CXCL13: variants seen among roughly 807,000 people sequenced by gnomAD.
CXCL13 encodes C-X-C motif chemokine 13.
A neutral mutation model predicts 12.2 loss-of-function variants in CXCL13; 7 were observed. The ratio of observed to expected loss-of-function variants is 0.57; its 90% CI spans 0.33 to 1.07. The LOEUF (loss-of-function observed/expected upper bound fraction) is 1.07, where lower values mean the gene tolerates loss of function less well. Ranked by LOEUF, CXCL13 falls within the 50% of genes least tolerant of loss-of-function variation. CXCL13 has a pLI of 0.04. For missense variants in CXCL13, 113 were observed against 127.4 expected, an observed-to-expected ratio of 0.89 and a Z score of 0.55; for synonymous variants, 47 against 42.4, an observed-to-expected ratio of 1.11 and a Z score of -0.42.
intron 1 of CXCL13, among the ~76,000 whole-genome samples, chr4:77,533,466 G>A (rs1724981396): frequency 6.6e-6 from 1 of 152,194 alleles, no homozygotes; most frequent in African/African-American, 2.4e-5. Flanking sequence ...CTCCCAGTTA[G>A]GCTACTCAGG....
chr4:77,554,612 T>C (rs935475549), intron 1 of CXCL13, among the ~76,000 whole-genome samples: 1 of 152,090 alleles, frequency 6.6e-6, no homozygotes, highest in East Asian at 1.9e-4. Context: ...CAGAACAACA[T>C]TTCTAGGATG....
At chr4:77,562,143 G>A (rs182599840) in intron 1 of CXCL13, among the ~76,000 whole-genome samples, 1,601 of 151,228 alleles carry the variant, frequency 0.011, 26 homozygotes, top group African/African-American at 0.036. Flanking sequence ...CCCGGCACAA[G>A]CCTTCCCACC....
At chr4:77,530,633 T>G (rs1246686151) in intron 1 of CXCL13, among the ~76,000 whole-genome samples, 1 of 152,196 alleles carries the variant, frequency 6.6e-6, no homozygotes, top group South Asian at 2.1e-4. Flanking sequence ...CCCTTTAACA[T>G]TTTTTATTGC....
intron 1 of CXCL13, among the ~76,000 whole-genome samples, chr4:77,575,449 C>T (rs539041656): frequency 1.3e-5 from 2 of 151,782 alleles, no homozygotes; most frequent in Non-Finnish European, 2.9e-5. Flanking sequence ...CTCCCCCAGC[C>T]CCCTACCCCT....
At chr4:77,555,312 C>A (rs908507050) in intron 1 of CXCL13, among the ~76,000 whole-genome samples, 1 of 151,814 alleles carries the variant, frequency 6.6e-6, no homozygotes, top group African/African-American at 2.4e-5. Context: ...AGGAAATGGG[C>A]AAATTTATTG....
chr4:77,562,839 C>A (rs894883673), intron 1 of CXCL13, among the ~76,000 whole-genome samples: 1 of 152,120 alleles, frequency 6.6e-6, no homozygotes, highest in Non-Finnish European at 1.5e-5. Context: ...TCTGTCAAAA[C>A]GGACCAATCA....
At chr4:77,607,197 T>C (rs1039020989) in intron 1 of CXCL13, among the ~76,000 whole-genome samples, 1 of 152,248 alleles carries the variant, frequency 6.6e-6, no homozygotes, top group Non-Finnish European at 1.5e-5. Flanking sequence ...ACTGGTTTTA[T>C]ATTGCATTAA....
Position 77,605,926 on chromosome 4 carries a change from CA to C in CXCL13, c.63del (p.Gly22ValfsTer10). The C allele has an allele frequency of 6.3e-7, 1 of 1,591,964 alleles. No homozygotes were observed. Among genetic ancestry groups the C allele is most frequent in the Non-Finnish European group, 8.6e-7 (1 of 1,163,586 alleles). On this transcript the variant is annotated frameshift_variant and splice_region_variant, in exon 1 of 4. Coordinates refer to ENST00000682537, the MANE Select transcript of CXCL13 (RefSeq NM_001371558.1). LOFTEE classifies it high-confidence loss of function. The part of the protein sequence containing the change: ...MLLVSSLSPV[Q>X]GVLEVYYTSL... The stretch of plus-strand genomic sequence containing the variant: ...GCTGGTCAGCAGCCTCTCTCCAGTC[CA>C]AGGTGAGAAATTTCATTTACATTTC...
chr4:77,571,741 G>T (rs184866807), intron 1 of CXCL13, among the ~76,000 whole-genome samples: 25 of 151,840 alleles, frequency 1.6e-4, no homozygotes, highest in Non-Finnish European at 2.8e-4. Flanking sequence ...GTGGCAACCC[G>T]CTCCAGTCCC....
intron 1 of CXCL13, among the ~76,000 whole-genome samples, chr4:77,606,538 G>T (rs895899579): frequency 1.3e-5 from 2 of 152,196 alleles, no homozygotes; most frequent in Non-Finnish European, 2.9e-5. Context: ...CTTCTGCTCA[G>T]ATTTAGAAGG....
chr4:77,513,360 G>C (rs1038721617), intron 1 of CXCL13, among the ~76,000 whole-genome samples: 3 of 151,924 alleles, frequency 2.0e-5, no homozygotes, highest in African/African-American at 7.3e-5. Context: ...TTGCCACACT[G>C]TCTTCCACAA....
intron 1 of CXCL13, among the ~76,000 whole-genome samples, chr4:77,523,024 T>C (rs1216600473): frequency 6.6e-6 from 1 of 152,234 alleles, no homozygotes; most frequent in Admixed American, 6.5e-5. Flanking sequence ...TTTAAGAATG[T>C]TGAATATTGG....
At chr4:77,556,862 T>A (rs1725671453) in intron 1 of CXCL13, among the ~76,000 whole-genome samples, 1 of 151,698 alleles carries the variant, frequency 6.6e-6, no homozygotes, top group Non-Finnish European at 1.5e-5. Flanking sequence ...ACAAAAAAAA[T>A]TAAAATATCA....
chr4:77,576,577 A>C (rs1726204453), intron 1 of CXCL13, among the ~76,000 whole-genome samples: 1 of 152,198 alleles, frequency 6.6e-6, no homozygotes, highest in South Asian at 2.1e-4. Flanking sequence ...TGGTAAGTGA[A>C]AAATGTCACT....
chr4:77,546,631 C>T (rs1417189243), intron 1 of CXCL13, among the ~76,000 whole-genome samples: 4 of 152,056 alleles, frequency 2.6e-5, no homozygotes, highest in African/African-American at 4.8e-5. Flanking sequence ...TTTGATTCTT[C>T]TCTATTTTCT....
At chr4:77,576,377 C>T (rs1726196972) in intron 1 of CXCL13, among the ~76,000 whole-genome samples, 1 of 152,132 alleles carries the variant, frequency 6.6e-6, no homozygotes, top group Admixed American at 6.5e-5. Flanking sequence ...AAATTTGGGG[C>T]ATATTTGTCT....
chr4:77,611,579 T>G lies in CXCL13; in HGVS notation c.*540T>G, dbSNP rs115946252. ...TTAAGTCCTACTTTTAAAGAATTTC[T>G]TTATAAAATTTACTGTCTAAGATTA... On this transcript the variant is annotated 3_prime_UTR_variant, in exon 4 of 4. Transcript: ENST00000682537. 2.9e-3 allele frequency: 1,172 copies of G among 398,052 alleles called. 11 individuals are homozygous for G. Among genetic ancestry groups the G allele is most frequent in the African/African-American group, 0.016 (801 of 48,730 alleles). 24.7% of individuals were successfully genotyped at this position (398,052 alleles called of 1,614,324 possible).
chr4:77,574,257 C>A (rs978633782), intron 1 of CXCL13, among the ~76,000 whole-genome samples: 6 of 151,738 alleles, frequency 4.0e-5, no homozygotes, highest in Non-Finnish European at 5.9e-5. Context: ...CATGAGAGGA[C>A]CTATTATAAT....
chr4:77,600,662 C>A (rs529057688), intron 1 of CXCL13, among the ~76,000 whole-genome samples: 2 of 152,268 alleles, frequency 1.3e-5, no homozygotes, highest in African/African-American at 2.4e-5. Flanking sequence ...ATTGCTTGAT[C>A]ACTTTGACAT....
Sources: gnomAD v4.1 joint callset for allele counts (sites outside exome capture counted in the v4.1 genomes callset) on GRCh38, gnomAD v4.1.1 for gene constraint, MANE v1.5 for transcripts, NCBI Gene and HGNC (gene_info 2026-07-23, HGNC 2026-07-21) for gene names.